Variants in OPN5 observed in about 807,000 individuals in gnomAD.
OPN5 encodes opsin 5, also known as opsin-5.
A neutral mutation model predicts 41.7 loss-of-function variants in OPN5; 18 were observed. The ratio of observed to expected loss-of-function variants is 0.43; its 90% CI spans 0.30 to 0.64. The LOEUF is 0.64. Ranked by LOEUF, OPN5 falls within the 30% of genes least tolerant of loss-of-function variation. OPN5 has a pLI of 0.13. For synonymous variants in OPN5, 178 were observed against 164.3 expected, an observed-to-expected ratio of 1.08 and a Z score of -0.64; for missense variants, 318 against 434.5, an observed-to-expected ratio of 0.73 and a Z score of 2.38.
At chr6:47,787,844 C>CTATG (rs1773238830) in intron 2 of OPN5, among the ~76,000 whole-genome samples, 1 of 152,146 alleles carries the variant, frequency 6.6e-6, no homozygotes. Flanking sequence ...TTGCAGTGAG[C>CTATG]TATGGTACTA....
intron 6 of OPN5, among the ~76,000 whole-genome samples, chr6:47,818,525 G>A (rs1762499453): frequency 6.6e-6 from 1 of 152,142 alleles, no homozygotes; most frequent in Non-Finnish European, 1.5e-5. Context: ...ACTGCCAGTG[G>A]GGATTTGGCA....
rs190066682 is a variant in OPN5 at position 47,818,440 on chromosome 6, G to T, written c.1057-5543G>T. Among the ~76,000 whole-genome samples, 18 of 152,320 alleles carry T rather than the reference G, an allele frequency of 1.2e-4. No homozygotes were observed. In the East Asian group the frequency reaches 3.3e-3, roughly 28 times the overall value. ...GACATTTCCAGAAAGTGGAGAATCA[G>T]GCACTCTTCTCTAAATATAGGACTG... On this transcript the variant is annotated intron_variant, in intron 6 of 6. Coordinates refer to ENST00000371211, the Ensembl canonical transcript of OPN5.
At chr6:47,820,606 T>C (rs1762593043) in intron 6 of OPN5, among the ~76,000 whole-genome samples, 1 of 152,158 alleles carries the variant, frequency 6.6e-6, no homozygotes. Flanking sequence ...CTAACTTGGC[T>C]TTTCGGATAA....
chr6:47,794,007 A>G (rs891231290), intron 3 of OPN5, among the ~76,000 whole-genome samples: 1 of 152,184 alleles, frequency 6.6e-6, no homozygotes, highest in African/African-American at 2.4e-5. Context: ...ACAATAGAGT[A>G]TAGAAACAAT....
chr6:47,821,381 A>G (rs757115966), intron 6 of OPN5, among the ~76,000 whole-genome samples: 8 of 152,236 alleles, frequency 5.3e-5, no homozygotes, highest in Non-Finnish European at 7.3e-5. Context: ...TGAAGAGGCA[A>G]TCCCCGATGG....
intron 6 of OPN5, among the ~76,000 whole-genome samples, chr6:47,812,422 A>C (rs1184975219): frequency 6.6e-6 from 1 of 152,164 alleles, no homozygotes; most frequent in South Asian, 2.1e-4. Flanking sequence ...ATTGCTTAAG[A>C]AGTGAATTTA....
chr6:47,793,113 A>AT (rs1324595460), intron 3 of OPN5, among the ~76,000 whole-genome samples: 1 of 152,100 alleles, frequency 6.6e-6, no homozygotes, highest in Non-Finnish European at 1.5e-5. Context: ...TGACGTCAAC[A>AT]TCTAATTCTT....
chr6:47,804,132 T>G (rs1261579919), intron 4 of OPN5, among the ~76,000 whole-genome samples: 1 of 152,180 alleles, frequency 6.6e-6, no homozygotes, highest in Non-Finnish European at 1.5e-5. Context: ...ACTGGCTATA[T>G]CCCTTGGTCC....
Position 47,812,615 on chromosome 6 carries a change from C to T in OPN5, c.1056+884C>T, listed in dbSNP as rs1395842584. Reference sequence around the variant, plus strand: ...TAAAAGCTTCTGAAAGGAGAAGGCACGTAGATACTATGTCCAAATAGGTTT... The same window carrying T: ...TAAAAGCTTCTGAAAGGAGAAGGCATGTAGATACTATGTCCAAATAGGTTT... On this transcript the variant is annotated intron_variant, in intron 6 of 6. Transcript: ENST00000371211. 5.3e-5 allele frequency among the ~76,000 whole-genome samples: 8 copies of T among 152,210 alleles called. 1 individual carries two copies. The highest frequency in any genetic ancestry group is 2.6e-4 in the Admixed American group (4 of 15,278).
chr6:47,806,239 C>T (rs1188301903), intron 4 of OPN5, among the ~76,000 whole-genome samples: 2 of 152,022 alleles, frequency 1.3e-5, no homozygotes, highest in Non-Finnish European at 2.9e-5. Flanking sequence ...ATACAGTTTT[C>T]AAATTTATTT....
chr6:47,812,539 G>A (rs1203927230), intron 6 of OPN5, among the ~76,000 whole-genome samples: 1 of 152,120 alleles, frequency 6.6e-6, no homozygotes, highest in Non-Finnish European at 1.5e-5. Context: ...CAGGTAAAGA[G>A]ATGTAGATAT....
chr6:47,824,070 G>A, exon 7 of OPN5: 3 of 1,212,286 alleles, frequency 2.5e-6, no homozygotes, highest in Non-Finnish European at 1.2e-6. Context: ...GCTTACAAAT[G>A]TTATTTTTCT....
chr6:47,825,374 A>G (rs970687499), downstream of OPN5: 3 of 152,212 alleles, frequency 2.0e-5, no homozygotes, highest in African/African-American at 7.2e-5. Flanking sequence ...AAAAAGCCAA[A>G]AAGTGATAGT....
At chr6:47,802,529 G>C (rs1049276740) in intron 4 of OPN5, among the ~76,000 whole-genome samples, 11 of 152,060 alleles carry the variant, frequency 7.2e-5, no homozygotes, top group Admixed American at 3.3e-4. Flanking sequence ...TGATATCTCA[G>C]TTACCTTCTA....
At chr6:47,796,829 A>ATT (rs1773587633) in intron 4 of OPN5, among the ~76,000 whole-genome samples, 6 of 152,222 alleles carry the variant, frequency 3.9e-5, no homozygotes, top group Admixed American at 3.9e-4. Flanking sequence ...GTCTGCTATC[A>ATT]CACTGCTAAT....
At chr6:47,821,172 T>C (rs902304457) in intron 6 of OPN5, among the ~76,000 whole-genome samples, 2 of 152,118 alleles carry the variant, frequency 1.3e-5, no homozygotes, top group South Asian at 2.1e-4. Flanking sequence ...GGGAGGCAGG[T>C]GAGGCAGGCA....
chr6:47,795,516 G>T (rs1287318511), exon 4 of OPN5: 1 of 1,613,908 alleles, frequency 6.2e-7, no homozygotes, highest in South Asian at 1.1e-5. Context: ...AGCTCATTTC[G>T]ACAGTCGGAT....
chr6:47,793,346 T>G (rs879832050), intron 3 of OPN5, among the ~76,000 whole-genome samples: 1 of 152,166 alleles, frequency 6.6e-6, no homozygotes, highest in Non-Finnish European at 1.5e-5. Flanking sequence ...ATGTGGGAAC[T>G]GTGTATATTT....
At chr6:47,787,763 G>A (rs1245866684) in intron 2 of OPN5, among the ~76,000 whole-genome samples, 2 of 152,096 alleles carry the variant, frequency 1.3e-5, no homozygotes, top group Non-Finnish European at 2.9e-5. Context: ...CTTGAAGTCT[G>A]GGTATTGGGT....
Sources: gnomAD v4.1 joint callset for allele counts (sites outside exome capture counted in the v4.1 genomes callset) on GRCh38, gnomAD v4.1.1 for gene constraint, MANE v1.5 for transcripts, NCBI Gene and HGNC (gene_info 2026-07-23, HGNC 2026-07-21) for gene names.